Variants in FAM3C observed in about 807,000 individuals in gnomAD.
The protein encoded by FAM3C is protein FAM3C.
A neutral mutation model predicts 32.5 loss-of-function variants in FAM3C; 15 were observed. The ratio of observed to expected loss-of-function variants is 0.46; its 90% CI spans 0.31 to 0.71. The LOEUF is 0.71. FAM3C is among the 30% of genes least tolerant of loss of function. The pLI is 0.05. For missense variants in FAM3C, 175 were observed against 274.4 expected (o/e 0.64, Z 2.56); for synonymous variants, 75 against 86.1 (o/e 0.87, Z 0.72).
At position 121,392,578 on chromosome 7, in the gene FAM3C, C is replaced by T. The variant is rs569703845; in HGVS notation, c.-42+3584G>A. Reference sequence around the variant, plus strand: ...CAAACCACACCACGTATCAACTGAACCAACTTAAAAATCCATTTTTGTTGA... The same window carrying T: ...CAAACCACACCACGTATCAACTGAATCAACTTAAAAATCCATTTTTGTTGA... On this transcript the variant is annotated intron_variant, in intron 1 of 9. Transcript: ENST00000359943. Among the ~76,000 whole-genome samples, 5 of 152,290 alleles carry T rather than the reference C, an allele frequency of 3.3e-5. No homozygotes were observed. The South Asian group carries it at 8.3e-4, about 25-fold the overall frequency.
chr7:121,378,802 A>G, intron 3 of FAM3C, 108 bp downstream of exon 3: 1 of 516,170 alleles, frequency 1.9e-6, no homozygotes, highest in Non-Finnish European at 3.4e-6. Flanking sequence ...ATGGATATAT[A>G]ATAATCACAT....
At chr7:121,381,868 T>C (rs1794364446) in intron 2 of FAM3C, among the ~76,000 whole-genome samples, 1 of 152,206 alleles carries the variant, frequency 6.6e-6, no homozygotes, top group African/African-American at 2.4e-5. Flanking sequence ...AGCCCTCAGT[T>C]ATCTTTGTTT....
chr7:121,365,759 A>G (rs576408395), intron 5 of FAM3C, among the ~76,000 whole-genome samples: 3 of 152,176 alleles, frequency 2.0e-5, no homozygotes, highest in Non-Finnish European at 4.4e-5. Context: ...CACACTGTCT[A>G]CAAGAAACTC....
chr7:121,350,859 A>G (rs925167833), intron 9 of FAM3C, among the ~76,000 whole-genome samples: 1 of 152,226 alleles, frequency 6.6e-6, no homozygotes, highest in Admixed American at 6.5e-5. Context: ...CCAAAGCTCA[A>G]TTAAAATCCT....
chr7:121,378,104 A>G (rs550366829), intron 3 of FAM3C, among the ~76,000 whole-genome samples: 2 of 152,342 alleles, frequency 1.3e-5, no homozygotes, highest in South Asian at 4.1e-4. Flanking sequence ...TTGAGATTCA[A>G]TAAGATATTC....
intron 3 of FAM3C, among the ~76,000 whole-genome samples, chr7:121,374,987 T>G (rs1794213373): frequency 6.6e-6 from 1 of 152,150 alleles, no homozygotes; most frequent in South Asian, 2.1e-4. Flanking sequence ...TTTCACTCAA[T>G]CAGCATTTAC....
At chr7:121,372,985 CAAGTA>C (rs2116921909) in intron 3 of FAM3C, among the ~76,000 whole-genome samples, 1 of 151,944 alleles carries the variant, frequency 6.6e-6, no homozygotes, top group African/African-American at 2.4e-5. Context: ...GGAAAATGAC[CAAGTA>C]AATAAAAGCT....
chr7:121,373,912 C>T (rs1794193268), intron 3 of FAM3C, among the ~76,000 whole-genome samples: 1 of 149,818 alleles, frequency 6.7e-6, no homozygotes, highest in African/African-American at 2.5e-5. Context: ...GGGAGAATGG[C>T]GTGAACCCGC....
chr7:121,349,214 A>T lies in FAM3C; in HGVS notation c.*1247T>A, dbSNP rs1467572655. On this transcript the variant is annotated 3_prime_UTR_variant, in exon 10 of 10. Coordinates refer to ENST00000359943, the MANE Select transcript of FAM3C (RefSeq NM_014888.3). ...TTAGGTTTTTTTATACAATGCATCT[A>T]AACTTTAGGTTCGAAATTTAAGTGC... 1 of 152,584 alleles carries T rather than the reference A, an allele frequency of 6.6e-6. No homozygotes were observed. Among genetic ancestry groups the T allele is most frequent in the African/African-American group, 2.4e-5 (1 of 41,456 alleles). 9.5% of individuals were successfully genotyped at this position (152,584 alleles called of 1,614,324 possible). A position where few individuals can be genotyped will look rare whatever the true frequency, so the allele number is the denominator to read the frequency against.
At chr7:121,362,875 C>G in intron 7 of FAM3C, 22 bp downstream of exon 7, 3 of 1,398,712 alleles carry the variant, frequency 2.1e-6, no homozygotes, top group African/African-American at 1.4e-5. Flanking sequence ...CAAAAGAACA[C>G]AGTCATGTTA....
Position 121,350,565 on chromosome 7 carries a change from T to C in FAM3C, c.595-15A>G, listed in dbSNP as rs1385145172. 6.2e-7 allele frequency: 1 copy of C among 1,612,082 alleles called. No homozygotes were observed. The highest frequency in any genetic ancestry group is 1.1e-5 in the South Asian group (1 of 91,018). ...TTCTTTATGTGCTATTGGAACACAG[T>C]AATAATATACAGTTTAAAAAACCGT... On this transcript the variant is annotated splice_polypyrimidine_tract_variant and intron_variant, in intron 9 of 9. Coordinates refer to ENST00000359943, the MANE Select transcript of FAM3C (RefSeq NM_014888.3).
intron 8 of FAM3C, 115 bp from the exon 9 acceptor site, chr7:121,351,384 C>G: frequency 1.0e-6 from 1 of 976,948 alleles, no homozygotes; most frequent in South Asian, 3.5e-5. Context: ...AATAACAGAA[C>G]ATTTTGGAAA....
intron 2 of FAM3C, among the ~76,000 whole-genome samples, chr7:121,380,558 G>C (rs1369418687): frequency 1.3e-5 from 2 of 151,766 alleles, no homozygotes; most frequent in Admixed American, 1.3e-4. Flanking sequence ...GAGGGTGGAG[G>C]GTGGGAAGAG....
intron 1 of FAM3C, among the ~76,000 whole-genome samples, chr7:121,393,881 C>A (rs1267562449): frequency 1.3e-5 from 2 of 152,198 alleles, no homozygotes; most frequent in Non-Finnish European, 2.9e-5. Context: ...AAATCCTGAT[C>A]ATCTGATCCC....
intron 1 of FAM3C, among the ~76,000 whole-genome samples, chr7:121,393,848 A>G (rs1794628431): frequency 1.3e-5 from 2 of 152,212 alleles, no homozygotes; most frequent in South Asian, 4.1e-4. Flanking sequence ...TCTTGAAATA[A>G]CTAAATACAG....
chr7:121,350,920 G>A (rs949050895), intron 9 of FAM3C, among the ~76,000 whole-genome samples: 1 of 152,098 alleles, frequency 6.6e-6, no homozygotes, highest in Non-Finnish European at 1.5e-5. Flanking sequence ...CTATTCCAAT[G>A]CATTGTCCTG....
At position 121,371,329 on chromosome 7, in the gene FAM3C, C is replaced by T; in HGVS notation, c.243G>A (p.Val81=). The change falls in exon 5 of 10, where the codon GTG becomes GTA. Residue 81 remains valine (V), a synonymous_variant. Coordinates refer to ENST00000359943, the MANE Select transcript of FAM3C (RefSeq NM_014888.3). ...FKMASGAANV[V]GPKICLEDNV... ...TATCTTCCAGGCAGATTTTGGGTCC[C>T]ACCACGTTGGCTGCTCCACTTGCCA... The T allele has an allele frequency of 6.2e-7, 1 of 1,613,486 alleles. No individual in the cohort carries two copies. The highest frequency in any genetic ancestry group is 8.5e-7 in the Non-Finnish European group (1 of 1,179,904).
intron 8 of FAM3C, among the ~76,000 whole-genome samples, chr7:121,352,397 C>T (rs374985996): frequency 1.2e-4 from 18 of 151,982 alleles, no homozygotes; most frequent in East Asian, 3.8e-4. Context: ...CCACCACATC[C>T]GTGGGGGCTG....
Position 121,378,892 on chromosome 7 carries a change from G to C in FAM3C, c.118+18C>G. 1 of 1,353,426 alleles carries C rather than the reference G, an allele frequency of 7.4e-7. No individual in the cohort carries two copies. The highest frequency in any genetic ancestry group is 1.0e-6 in the Non-Finnish European group (1 of 971,836). 83.8% of individuals were successfully genotyped at this position (1,353,426 alleles called of 1,614,324 possible). On this transcript the variant is annotated intron_variant, in intron 3 of 9. Transcript: ENST00000359943. ...ACATCAAAAATAAGATTTAAGAAAGGAAAAAAATAAAACTTACCAAATAGA... is the reference window on the plus strand; with the variant it reads ...ACATCAAAAATAAGATTTAAGAAAGCAAAAAAATAAAACTTACCAAATAGA...
Sources: allele counts gnomAD v4.1 joint callset (sites outside exome capture counted in the v4.1 genomes callset), GRCh38; gene constraint gnomAD v4.1.1; transcripts MANE v1.5; gene names NCBI Gene and HGNC (gene_info 2026-07-23, HGNC 2026-07-21).